Variants in RLIM observed in about 807,000 individuals in gnomAD.
RLIM encodes the protein E3 ubiquitin-protein ligase RLIM.
RLIM carries 2 observed loss-of-function variants against 34.0 expected under a neutral mutation model. The observed-to-expected ratio is 0.06, with a 90% CI of 0.02 to 0.19. The LOEUF (loss-of-function observed/expected upper bound fraction) is 0.19. Among genes scored for constraint, RLIM ranks in the 10% least tolerant of loss-of-function variants. The pLI is 1.00. For missense variants in RLIM, 286 were observed against 479.7 expected, an observed-to-expected ratio of 0.60 and a Z score of 3.77; for synonymous variants, 169 against 164.0, an observed-to-expected ratio of 1.03 and a Z score of -0.23.
intron 2 of RLIM, 87 bp downstream of exon 2, chrX:74,595,722 A>C: frequency 4.4e-6 from 3 of 681,292 alleles, no homozygotes; most frequent in Non-Finnish European, 6.5e-6. Flanking sequence ...ATAAGGGCTA[A>C]AGAAATGGAT....
chrX:74,614,379 C>T (rs894950958), intron 1 of RLIM, 43 bp downstream of exon 1: 2 of 112,367 alleles, frequency 1.8e-5, no homozygotes, highest in African/African-American at 6.5e-5. Flanking sequence ...GTCTTCCTCT[C>T]GCTCTACATC....
intron 1 of RLIM, among the ~76,000 whole-genome samples, chrX:74,597,828 CACA>C (rs1192422958): frequency 8.9e-6 from 1 of 111,865 alleles, no homozygotes; most frequent in South Asian, 3.7e-4. Flanking sequence ...TGCTCTACAA[CACA>C]ACATTTGATG....
At chrX:74,600,574 A>C (rs2079657079) in intron 1 of RLIM, among the ~76,000 whole-genome samples, 1 of 111,927 alleles carries the variant, frequency 8.9e-6, no homozygotes, top group Non-Finnish European at 1.9e-5. Context: ...AAACAACTGC[A>C]GGGTTAAAAG....
At position 74,593,081 on chromosome X, in the gene RLIM, G is replaced by C. The variant is rs199721182; in HGVS notation, c.254-20C>G. On this transcript the variant is annotated intron_variant, in intron 3 of 3. Coordinates refer to ENST00000332687, the MANE Select transcript of RLIM (RefSeq NM_016120.4). ...CTCCTCCTGTTCAAAACAAAGGAGG[G>C]GGAGAGGGAGAAAAAGGAACTACTA... 42 of 1,168,279 alleles carry C rather than the reference G, an allele frequency of 3.6e-5. No individual in the cohort carries two copies. The highest frequency in any genetic ancestry group is 4.6e-5 in the Non-Finnish European group (40 of 872,402).
intron 1 of RLIM, among the ~76,000 whole-genome samples, chrX:74,603,542 GA>G (rs766860991): frequency 1.8e-5 from 2 of 111,450 alleles, no homozygotes; most frequent in African/African-American, 6.5e-5. Flanking sequence ...TTCTTTTAGG[GA>G]ACAAACCAGA....
At chrX:74,604,378 C>G (rs560549867) in intron 1 of RLIM, among the ~76,000 whole-genome samples, 5 of 111,303 alleles carry the variant, frequency 4.5e-5, no homozygotes, top group African/African-American at 1.6e-4. Flanking sequence ...TTTCAAGTGT[C>G]TAACAGTCAC....
chrX:74,585,641 C>A lies in RLIM; in HGVS notation c.*5799G>T, dbSNP rs1420188910. The A allele has an allele frequency of 8.9e-6, 1 of 112,206 alleles. No individual in the cohort carries two copies. The highest frequency in any genetic ancestry group is 3.2e-5 in the African/African-American group (1 of 30,884). 9.2% of individuals were successfully genotyped at this position (112,206 alleles called of 1,213,427 possible). A position where few individuals can be genotyped will look rare whatever the true frequency, so the allele number is the denominator to read the frequency against. On this transcript the variant is annotated 3_prime_UTR_variant, in exon 4 of 4. Transcript: ENST00000332687. ...TTTCAAGGTCTTGTTTTGCTTTAAA[C>A]AAGTTAACTTTTAGCAGTTGTAAAG...
At chrX:74,608,904 A>G (rs1035471638) in intron 1 of RLIM, among the ~76,000 whole-genome samples, 1 of 112,264 alleles carries the variant, frequency 8.9e-6, no homozygotes, top group Admixed American at 9.5e-5. Context: ...TAGACAGTGA[A>G]TTTAATCTTC....
intron 1 of RLIM, among the ~76,000 whole-genome samples, chrX:74,604,288 T>C (rs1053387284): frequency 9.0e-6 from 1 of 111,244 alleles, no homozygotes; most frequent in East Asian, 2.8e-4. Context: ...TTGTGTTTAG[T>C]GGAAAAACAT....
chrX:74,611,968 G>C (rs981227192), intron 1 of RLIM, among the ~76,000 whole-genome samples: 1 of 111,931 alleles, frequency 8.9e-6, no homozygotes, highest in East Asian at 2.8e-4. Context: ...ATCCATCCCA[G>C]TTTGTCGGGG....
Position 74,585,073 on chromosome X carries a change from A to G in RLIM, c.*6367T>C, listed in dbSNP as rs1931312891. On this transcript the variant is annotated 3_prime_UTR_variant, in exon 4 of 4. Coordinates refer to ENST00000332687, the MANE Select transcript of RLIM (RefSeq NM_016120.4). ...CAATATGTTTAAGAGATTAAGATAG[A>G]AATGGAAGACAGAAGTACAAGCACA... is the stretch of plus-strand genomic sequence containing the variant. 1 of 111,971 alleles carries G rather than the reference A, an allele frequency of 8.9e-6. No individual in the cohort carries two copies. The highest frequency in any genetic ancestry group is 3.7e-4 in the South Asian group (1 of 2,705). The allele number at this position is 111,971 out of a possible 1,213,427, so 9.2% of individuals were successfully genotyped here.
chrX:74,603,712 C>T lies in RLIM; in HGVS notation c.-23-7712G>A, dbSNP rs141871468. 5.6e-3 allele frequency among the ~76,000 whole-genome samples: 622 copies of T among 111,550 alleles called. 7 individuals are homozygous for T. Among genetic ancestry groups the T allele is most frequent in the African/African-American group, 0.019 (586 of 30,721 alleles). ...CAGTCCAAAAGAGATACAATTTGAACCATATATGTAATTTTTCAAAATGCC... is the reference window on the plus strand; with the variant it reads ...CAGTCCAAAAGAGATACAATTTGAATCATATATGTAATTTTTCAAAATGCC... On this transcript the variant is annotated intron_variant, in intron 1 of 3. Coordinates refer to ENST00000332687, the MANE Select transcript of RLIM (RefSeq NM_016120.4).
At chrX:74,596,454 C>T (rs192137073) in intron 1 of RLIM, among the ~76,000 whole-genome samples, 1,125 of 111,459 alleles carry the variant, frequency 0.01, 17 homozygotes, top group African/African-American at 0.035. Flanking sequence ...CCATGTTGGC[C>T]CAATCTGGTC....
At chrX:74,594,495 A>G (rs745762663) in intron 2 of RLIM, 106 bp from the exon 3 acceptor site, 68 of 534,849 alleles carry the variant, frequency 1.3e-4, no homozygotes, top group Middle Eastern at 1.1e-3. Flanking sequence ...AAAAAAAATC[A>G]TATTTTTAAA....
At chrX:74,595,669 G>A (rs1370982395) in intron 2 of RLIM, 140 bp downstream of exon 2, 7 of 400,252 alleles carry the variant, frequency 1.7e-5, no homozygotes, top group Non-Finnish European at 4.3e-6. Flanking sequence ...AATAAATACA[G>A]CAATAAATGT....
chrX:74,583,003 AT>A lies in RLIM; in HGVS notation c.*8436del. On this transcript the variant is annotated 3_prime_UTR_variant, in exon 4 of 4. Transcript: ENST00000332687. Reference sequence around the variant, plus strand: ...CAGTTTCCTTCTTTTATATTTTGATATTTTTTTCCATATTTAAGTTTTTCGA... The same window carrying A: ...CAGTTTCCTTCTTTTATATTTTGATATTTTTTCCATATTTAAGTTTTTCGA... The A allele has an allele frequency of 3.7e-6, 2 of 542,543 alleles. No homozygotes were observed. Among genetic ancestry groups the A allele is most frequent in the African/African-American group, 3.1e-5 (1 of 32,051 alleles). 44.7% of individuals were successfully genotyped at this position (542,543 alleles called of 1,213,427 possible).
intron 1 of RLIM, among the ~76,000 whole-genome samples, chrX:74,597,649 G>A (rs1418699779): frequency 8.9e-6 from 1 of 112,163 alleles, no homozygotes; most frequent in Admixed American, 9.5e-5. Flanking sequence ...TTATGAAAAT[G>A]TAAGGTATTT....
intron 1 of RLIM, among the ~76,000 whole-genome samples, chrX:74,611,861 G>A (rs745942337): frequency 2.7e-5 from 3 of 111,928 alleles, no homozygotes; most frequent in Admixed American, 9.5e-5. Flanking sequence ...ACATTCTCAT[G>A]AGGCTCTGTT....
In RLIM at chrX:74,586,211, G is replaced by C. The variant is rs999954541; in HGVS notation, c.*5229C>G. 2.7e-5 allele frequency: 3 copies of C among 111,881 alleles called. No homozygotes were observed. Among genetic ancestry groups the C allele is most frequent in the Non-Finnish European group, 5.6e-5 (3 of 53,251 alleles). The allele number at this position is 111,881 out of a possible 1,213,427, so 9.2% of individuals were successfully genotyped here. A position where few individuals can be genotyped will look rare whatever the true frequency, so the allele number is the denominator to read the frequency against. On this transcript the variant is annotated 3_prime_UTR_variant, in exon 4 of 4. Coordinates refer to ENST00000332687, the MANE Select transcript of RLIM (RefSeq NM_016120.4). Reference sequence around the variant, plus strand: ...ATCAAGAGGTAAAATCCAAACACTGGACAGTTAAAACACATACAAACCAGT... The same window carrying C: ...ATCAAGAGGTAAAATCCAAACACTGCACAGTTAAAACACATACAAACCAGT...
Sources: allele counts gnomAD v4.1 joint callset (sites outside exome capture counted in the v4.1 genomes callset), GRCh38; gene constraint gnomAD v4.1.1; transcripts MANE v1.5; gene names NCBI Gene and HGNC (gene_info 2026-07-23, HGNC 2026-07-21).